ATP2B2: variants seen among roughly 807,000 people sequenced by gnomAD.
The protein encoded by ATP2B2 is ATPase plasma membrane Ca2+ transporting 2, also known as plasma membrane calcium-transporting ATPase 2.
ATP2B2 carries 15 observed loss-of-function variants against 120.0 expected under a neutral mutation model. That is an observed-to-expected ratio of 0.12 (90% CI 0.08 to 0.19). The LOEUF (loss-of-function observed/expected upper bound fraction) is 0.19, where lower values mean the gene tolerates loss of function less well. Ranked by LOEUF, ATP2B2 falls within the 10% of genes least tolerant of loss-of-function variation. ATP2B2 has a pLI of 1.00. For missense variants in ATP2B2, 1,045 were observed against 1,719.8 expected (o/e 0.61, Z 6.94); for synonymous variants, 694 against 700.3 (o/e 0.99, Z 0.14).
intron 2 of ATP2B2, among the ~76,000 whole-genome samples, chr3:10,540,430 T>C (rs2067410041): frequency 6.6e-6 from 1 of 152,218 alleles, no homozygotes; most frequent in South Asian, 2.1e-4. Context: ...GTATGTTTAC[T>C]GCAGCAGTAT....
chr3:10,476,051 C>T (rs981796392), intron 1 of ATP2B2, among the ~76,000 whole-genome samples: 2 of 152,180 alleles, frequency 1.3e-5, no homozygotes, highest in African/African-American at 4.8e-5. Flanking sequence ...GTTTATAGGT[C>T]CAGTTACTCC....
At chr3:10,561,964 T>C (rs746105421) in intron 2 of ATP2B2, among the ~76,000 whole-genome samples, 5 of 152,202 alleles carry the variant, frequency 3.3e-5, no homozygotes, top group South Asian at 2.1e-4. Flanking sequence ...CTTAATATCT[T>C]GCCTCTCCAA....
At chr3:10,425,146 G>GTA (rs111874738) in intron 2 of ATP2B2, among the ~76,000 whole-genome samples, 11,067 of 132,168 alleles carry the variant, frequency 0.084, 1,372 homozygotes, top group African/African-American at 0.29. Flanking sequence ...ATATATATAC[G>GTA]TATATATATA....
intron 2 of ATP2B2, among the ~76,000 whole-genome samples, chr3:10,436,247 G>A (rs923451398): frequency 2.0e-5 from 3 of 152,128 alleles, no homozygotes; most frequent in African/African-American, 4.8e-5. Flanking sequence ...TATTTTAAAA[G>A]GCAACAAATA....
chr3:10,521,590 G>T (rs1575454091), intron 3 of ATP2B2, among the ~76,000 whole-genome samples: 1 of 152,212 alleles, frequency 6.6e-6, no homozygotes, highest in Non-Finnish European at 1.5e-5. Flanking sequence ...TAGAAGCAGC[G>T]AGAGTGTGGA....
At chr3:10,418,608 G>A (rs933145663) in intron 2 of ATP2B2, among the ~76,000 whole-genome samples, 5 of 152,168 alleles carry the variant, frequency 3.3e-5, no homozygotes, top group African/African-American at 7.2e-5. Context: ...GGGGCTGCAC[G>A]TCTTTATTTC....
In ATP2B2 at chr3:10,338,171, T is replaced by A. The variant is rs770942683; in HGVS notation, c.3420+5A>T. On this transcript the variant is annotated splice_donor_5th_base_variant and intron_variant, in intron 22 of 22. Coordinates refer to ENST00000360273, the MANE Select transcript of ATP2B2 (RefSeq NM_001001331.4). ...CTGGGCCCAGCCCCCAAGAGCCTCCTGTACCTGTGTCTGGATCCGATTCAG... is the reference window on the plus strand; with the variant it reads ...CTGGGCCCAGCCCCCAAGAGCCTCCAGTACCTGTGTCTGGATCCGATTCAG... 1.2e-6 allele frequency: 2 copies of A among 1,613,904 alleles called. No individual in the cohort carries two copies. Among genetic ancestry groups the A allele is most frequent in the Admixed American group, 3.3e-5 (2 of 60,028 alleles).
Position 10,326,907 on chromosome 3 carries a change from A to G in ATP2B2, c.*1907T>C, listed in dbSNP as rs1211319213. 1 of 398,644 alleles carries G rather than the reference A, an allele frequency of 2.5e-6. No individual in the cohort carries two copies. The highest frequency in any genetic ancestry group is 4.4e-6 in the Non-Finnish European group (1 of 226,008). The allele number at this position is 398,644 out of a possible 1,614,324, so 24.7% of individuals were successfully genotyped here. A position where few individuals can be genotyped will look rare whatever the true frequency, so the allele number is the denominator to read the frequency against. On this transcript the variant is annotated 3_prime_UTR_variant, in exon 23 of 23. Coordinates refer to ENST00000360273, the MANE Select transcript of ATP2B2 (RefSeq NM_001001331.4). ...GTGGAAGAGTTCTCTGGGCCTGGAG[A>G]AGGGAAGGGGCTGGGCTGACACAGC...
At chr3:10,583,141 A>G (rs1188792787) in intron 2 of ATP2B2, among the ~76,000 whole-genome samples, 2 of 152,218 alleles carry the variant, frequency 1.3e-5, no homozygotes, top group Non-Finnish European at 2.9e-5. Flanking sequence ...CAAAAGGAGT[A>G]CATGATATGA....
chr3:10,415,857 T>G (rs2062763309), intron 2 of ATP2B2, among the ~76,000 whole-genome samples: 1 of 152,218 alleles, frequency 6.6e-6, no homozygotes, highest in Admixed American at 6.5e-5. Flanking sequence ...GGTTGTAGGC[T>G]TTCAAATGTC....
At chr3:10,629,750 C>A (rs1052262338) in intron 1 of ATP2B2, among the ~76,000 whole-genome samples, 1 of 152,236 alleles carries the variant, frequency 6.6e-6, no homozygotes, top group Non-Finnish European at 1.5e-5. Context: ...CTCCGCAAGC[C>A]CTCTTTATTT....
intron 1 of ATP2B2, among the ~76,000 whole-genome samples, chr3:10,488,104 T>G (rs1230117810): frequency 1.3e-5 from 2 of 151,338 alleles, no homozygotes; most frequent in African/African-American, 4.9e-5. Context: ...CATCCAGCCA[T>G]CCATCCATCC....
At chr3:10,632,370 G>A (rs2069890452) in intron 1 of ATP2B2, among the ~76,000 whole-genome samples, 1 of 152,154 alleles carries the variant, frequency 6.6e-6, no homozygotes, top group South Asian at 2.1e-4. Context: ...TGGCCCTGGA[G>A]ACATTTGAGT....
Position 10,690,476 on chromosome 3 carries a change from C to CTATCTATA in ATP2B2, c.-460+17438_-460+17439insTATAGATA, listed in dbSNP as rs557043167. ...TCTATCTATCTATCTATCTATCTAT[C>CTATCTATA]TATATATCTCCTTCACCCCTTAACA... On this transcript the variant is annotated intron_variant, in intron 1 of 21. Transcript: ENST00000646379. Among the ~76,000 whole-genome samples the CTATCTATA allele has an allele frequency of 7.5e-3, 1,130 of 150,398 alleles. 16 individuals carry two copies. Among genetic ancestry groups the CTATCTATA allele is most frequent in the East Asian group, 0.035 (179 of 5,124 alleles).
chr3:10,574,868 G>A (rs896509509), intron 2 of ATP2B2, among the ~76,000 whole-genome samples: 1 of 152,120 alleles, frequency 6.6e-6, no homozygotes, highest in Non-Finnish European at 1.5e-5. Context: ...TGGAAGACCC[G>A]GTGAGGAGGG....
At chr3:10,564,409 G>A (rs956024472) in intron 2 of ATP2B2, among the ~76,000 whole-genome samples, 1 of 152,116 alleles carries the variant, frequency 6.6e-6, no homozygotes, top group Non-Finnish European at 1.5e-5. Context: ...TCCACCGGTG[G>A]CTATTAAGCC....
intron 1 of ATP2B2, among the ~76,000 whole-genome samples, chr3:10,628,359 G>T (rs533066979): frequency 6.6e-6 from 1 of 152,380 alleles, no homozygotes; most frequent in Admixed American, 6.5e-5. Flanking sequence ...ATGGTGGCCA[G>T]ACTGGGTGGT....
At chr3:10,331,712 ATT>A (rs34633808) in intron 22 of ATP2B2, among the ~76,000 whole-genome samples, 1 of 143,526 alleles carries the variant, frequency 7.0e-6, no homozygotes, top group Non-Finnish European at 1.5e-5. Context: ...AAAGGTAGGA[ATT>A]TTTTTTTTTT....
chr3:10,574,904 T>G (rs1358905030), intron 2 of ATP2B2, among the ~76,000 whole-genome samples: 1 of 152,010 alleles, frequency 6.6e-6, no homozygotes, highest in Non-Finnish European at 1.5e-5. Flanking sequence ...ATTCTTGGGT[T>G]TGTCTGTCCC....
Sources: allele counts gnomAD v4.1 joint callset (sites outside exome capture counted in the v4.1 genomes callset), GRCh38; gene constraint gnomAD v4.1.1; transcripts MANE v1.5; gene names NCBI Gene and HGNC (gene_info 2026-07-23, HGNC 2026-07-21).